The following ADGRG6 variants were observed in gnomAD, a reference collection of about 807,000 sequenced individuals.
ADGRG6 encodes the protein G-protein coupled receptor 126.
In ADGRG6, 84 loss-of-function variants were observed where a neutral mutation model predicts 142.4. The ratio of observed to expected loss-of-function variants is 0.59; its 90% CI spans 0.49 to 0.71. The LOEUF (loss-of-function observed/expected upper bound fraction) is 0.71. Ranked by LOEUF, ADGRG6 falls within the 30% of genes least tolerant of loss-of-function variation. The pLI is 0.00. For missense variants in ADGRG6, 1,367 were observed against 1,466.6 expected (o/e 0.93, Z 1.11); for synonymous variants, 521 against 520.5 (o/e 1.00, Z -0.01).
In ADGRG6 at chr6:142,409,827, T is replaced by C. The variant is rs752776741; in HGVS notation, c.2389-47T>C. On this transcript the variant is annotated intron_variant, in intron 16 of 24. Coordinates refer to ENST00000367609, the MANE Select transcript of ADGRG6 (RefSeq NM_198569.3). ...TTATTCTTTTGCCATATTTAAATCA[T>C]GGCATTTTAAACACAATTTCACATG... 1.1e-5 allele frequency: 9 copies of C among 825,468 alleles called. No homozygotes were observed. The Admixed American group carries it at 1.8e-4, about 17-fold the overall frequency. 51.1% of individuals were successfully genotyped at this position (825,468 alleles called of 1,614,324 possible).
intron 2 of ADGRG6, among the ~76,000 whole-genome samples, chr6:142,356,816 A>T (rs542913530): frequency 6.6e-6 from 1 of 152,230 alleles, no homozygotes; most frequent in Non-Finnish European, 1.5e-5. Flanking sequence ...AACATAGCCA[A>T]ATAACCACAT....
intron 2 of ADGRG6, among the ~76,000 whole-genome samples, chr6:142,347,748 C>T (rs1031155722): frequency 8.5e-5 from 13 of 152,258 alleles, no homozygotes; most frequent in African/African-American, 2.6e-4. Context: ...AAGATGACTA[C>T]GTCTTTTTGT....
At chr6:142,350,918 A>G (rs898286809) in intron 2 of ADGRG6, among the ~76,000 whole-genome samples, 7 of 152,202 alleles carry the variant, frequency 4.6e-5, no homozygotes, top group African/African-American at 1.7e-4. Context: ...AAGAGTCTGA[A>G]TCACTAAAGC....
At chr6:142,401,783 A>C (rs549105679) in intron 11 of ADGRG6, among the ~76,000 whole-genome samples, 1 of 152,210 alleles carries the variant, frequency 6.6e-6, no homozygotes, top group Admixed American at 6.5e-5. Flanking sequence ...ATAAACAGAA[A>C]TAGGCTAGAG....
At chr6:142,386,400 T>A (rs1782023812) in intron 6 of ADGRG6, among the ~76,000 whole-genome samples, 1 of 152,224 alleles carries the variant, frequency 6.6e-6, no homozygotes, top group Admixed American at 6.5e-5. Flanking sequence ...ACTTCTAATA[T>A]TAAACATTGC....
intron 6 of ADGRG6, among the ~76,000 whole-genome samples, chr6:142,389,256 T>A (rs966687947): frequency 6.6e-6 from 1 of 151,314 alleles, no homozygotes; most frequent in Non-Finnish European, 1.5e-5. Context: ...ACTTTTACAT[T>A]TTTTTTTCTA....
intron 2 of ADGRG6, among the ~76,000 whole-genome samples, chr6:142,317,747 T>A (rs1202004010): frequency 3.7e-5 from 4 of 108,960 alleles, no homozygotes; most frequent in African/African-American, 1.4e-4. Flanking sequence ...TTATATAATA[T>A]ATATTTATAT....
At chr6:142,440,876 T>A (rs1401835296) in intron 24 of ADGRG6, 1 of 1,115,714 alleles carries the variant, frequency 9.0e-7, no homozygotes, top group African/African-American at 1.6e-5. Flanking sequence ...TTTCTTGGAA[T>A]TGATCTAGAT....
chr6:142,376,771 A>G (rs997366612), intron 4 of ADGRG6, among the ~76,000 whole-genome samples: 2 of 152,230 alleles, frequency 1.3e-5, no homozygotes, highest in Admixed American at 6.5e-5. Flanking sequence ...CACTTTAAAT[A>G]TATTTATTTA....
chr6:142,306,653 A>G (rs1777509370), intron 1 of ADGRG6, among the ~76,000 whole-genome samples: 1 of 152,084 alleles, frequency 6.6e-6, no homozygotes, highest in Admixed American at 6.6e-5. Flanking sequence ...CTTTAAGGCC[A>G]CAATCAAAAT....
chr6:142,425,918 G>A (rs567282166), intron 22 of ADGRG6, among the ~76,000 whole-genome samples: 59 of 152,280 alleles, frequency 3.9e-4, no homozygotes, highest in African/African-American at 1.4e-3. Flanking sequence ...ATTAGATCTT[G>A]TGAGATTCAT....
rs144662404 is a variant in ADGRG6, at chr6:142,400,847, G to A, written c.1679+251G>A. 3.6e-4 allele frequency: 135 copies of A among 375,686 alleles called. 1 individual carries two copies. The highest frequency in any genetic ancestry group is 3.1e-3 in the South Asian group (69 of 22,010). 23.3% of individuals were successfully genotyped at this position (375,686 alleles called of 1,614,324 possible). ...GAAAAACTGAAGAGTTTAGAAGCCA[G>A]TGGGTAGCACCAGAGCAAAGTACCT... On this transcript the variant is annotated intron_variant, in intron 11 of 24. Coordinates refer to ENST00000367609, the MANE Select transcript of ADGRG6 (RefSeq NM_198569.3).
chr6:142,361,424 A>G (rs544909293), intron 2 of ADGRG6, among the ~76,000 whole-genome samples: 3 of 152,272 alleles, frequency 2.0e-5, no homozygotes, highest in East Asian at 1.9e-4. Flanking sequence ...CCAAACAGAA[A>G]GGATTGTAAA....
At chr6:142,385,753 T>A (rs1781989606) in intron 6 of ADGRG6, among the ~76,000 whole-genome samples, 1 of 152,214 alleles carries the variant, frequency 6.6e-6, no homozygotes, top group Non-Finnish European at 1.5e-5. Context: ...TTAAGTTTTT[T>A]TTCTTTGATG....
chr6:142,405,993 C>A (rs959440337), intron 15 of ADGRG6, among the ~76,000 whole-genome samples, 165 bp downstream of exon 15: 1 of 151,952 alleles, frequency 6.6e-6, no homozygotes, highest in Non-Finnish European at 1.5e-5. Flanking sequence ...TATTTTATTT[C>A]AGATAATATG....
chr6:142,435,907 G>A (rs896239208), intron 22 of ADGRG6, among the ~76,000 whole-genome samples: 2 of 152,178 alleles, frequency 1.3e-5, no homozygotes, highest in East Asian at 1.9e-4. Context: ...AGGTAGGAAC[G>A]TGTTATGGAA....
rs551262076 is a variant in ADGRG6 at position 142,322,511 on chromosome 6, A to G, written c.103+12867A>G. On this transcript the variant is annotated intron_variant, in intron 2 of 24. Coordinates refer to ENST00000367609, the MANE Select transcript of ADGRG6 (RefSeq NM_198569.3). ...CACCTCACCTTTCTTTAGCCTCTAC[A>G]TACATTCAAAAGTTTGGGTTATTCT... Among the ~76,000 whole-genome samples, 4 of 152,194 alleles carry G rather than the reference A, an allele frequency of 2.6e-5. No individual in the cohort carries two copies. In the East Asian group the frequency reaches 5.8e-4, roughly 22 times the overall value.
At chr6:142,400,648 C>T in intron 11 of ADGRG6, 52 bp downstream of exon 11, 1 of 895,882 alleles carries the variant, frequency 1.1e-6, no homozygotes, top group South Asian at 1.4e-5. Context: ...TCAGCCTTCC[C>T]AGGGTTATAC....
chr6:142,420,296 C>A (rs1254863950), intron 22 of ADGRG6, among the ~76,000 whole-genome samples, 192 bp downstream of exon 22: 2 of 152,064 alleles, frequency 1.3e-5, no homozygotes, highest in African/African-American at 4.8e-5. Flanking sequence ...TTAGTTTTGC[C>A]TTTTTATCAG....
Sources: gnomAD v4.1 joint callset for allele counts (sites outside exome capture counted in the v4.1 genomes callset) on GRCh38, gnomAD v4.1.1 for gene constraint, MANE v1.5 for transcripts, NCBI Gene and HGNC (gene_info 2026-07-23, HGNC 2026-07-21) for gene names.